NXPH2: variants seen among roughly 807,000 people sequenced by gnomAD.
The protein encoded by NXPH2 is neurexophilin-2.
NXPH2 carries 5 observed loss-of-function variants against 19.8 expected under a neutral mutation model. The ratio of observed to expected loss-of-function variants is 0.25; its 90% CI spans 0.13 to 0.53. The LOEUF is 0.53. Among genes scored for constraint, NXPH2 ranks in the 20% least tolerant of loss-of-function variants. NXPH2 has a pLI of 0.96. For synonymous variants in NXPH2, 154 were observed against 127.4 expected, an observed-to-expected ratio of 1.21 and a Z score of -1.41; for missense variants, 289 against 322.8, an observed-to-expected ratio of 0.90 and a Z score of 0.80.
Position 138,670,205 on chromosome 2 carries a change from G to A in NXPH2, c.*717C>T, listed in dbSNP as rs951315136. ...TAAAAACATCATGATTTTTGTTATC[G>A]TTCAACAAACTTATTCTCAGATTTG... On this transcript the variant is annotated 3_prime_UTR_variant, in exon 2 of 2. Transcript: ENST00000272641. 6.6e-6 allele frequency among the ~76,000 whole-genome samples: 1 copy of A among 151,962 alleles called. No homozygotes were observed. Among genetic ancestry groups the A allele is most frequent in the African/African-American group, 2.4e-5 (1 of 41,362 alleles).
intron 1 of NXPH2, 52 bp from the exon 2 acceptor site, chr2:138,671,717 G>T (rs1432103405): frequency 1.3e-6 from 2 of 1,489,090 alleles, no homozygotes; most frequent in African/African-American, 1.4e-5. Flanking sequence ...CCGTGACTGC[G>T]CACTCAAACT....
rs531448477 is a variant in NXPH2, at chr2:138,729,312, T to C, written c.51+50879A>G. On this transcript the variant is annotated intron_variant, in intron 1 of 1. Coordinates refer to ENST00000272641, the MANE Select transcript of NXPH2 (RefSeq NM_007226.3). ...AAATTCTCATGAGATCTGATGGTTT[T>C]ATAAGGGGCTTTCCCCTTTACTGGG... 2.0e-5 allele frequency among the ~76,000 whole-genome samples: 3 copies of C among 152,310 alleles called. No homozygotes were observed. In the East Asian group the frequency reaches 5.8e-4, roughly 29 times the overall value.
At chr2:138,720,205 G>A (rs1246238800) in intron 1 of NXPH2, among the ~76,000 whole-genome samples, 1 of 151,796 alleles carries the variant, frequency 6.6e-6, no homozygotes, top group Non-Finnish European at 1.5e-5. Flanking sequence ...ACCACTGGAA[G>A]GACAATGCAA....
At chr2:138,674,265 C>T (rs1484948292) in intron 1 of NXPH2, among the ~76,000 whole-genome samples, 1 of 151,906 alleles carries the variant, frequency 6.6e-6, no homozygotes, top group Non-Finnish European at 1.5e-5. Context: ...GAAATTCTTG[C>T]ACATCAGCCT....
At chr2:138,672,443 C>T (rs761398773) in intron 1 of NXPH2, among the ~76,000 whole-genome samples, 2 of 152,020 alleles carry the variant, frequency 1.3e-5, no homozygotes, top group Non-Finnish European at 2.9e-5. Flanking sequence ...TCATAGCCAC[C>T]GAAACGTAAG....
At chr2:138,737,274 G>C (rs1446417443) in intron 1 of NXPH2, among the ~76,000 whole-genome samples, 6 of 152,142 alleles carry the variant, frequency 3.9e-5, no homozygotes, top group Admixed American at 1.3e-4. Flanking sequence ...GTTCCACATA[G>C]CTGGGGAGGC....
chr2:138,745,497 G>GA (rs200324522), intron 1 of NXPH2, among the ~76,000 whole-genome samples: 36,875 of 98,414 alleles, frequency 0.37, 6,490 homozygotes, highest in East Asian at 0.64. Context: ...TTTTGGCGGG[G>GA]GGGGGGGGGT....
At chr2:138,680,531 T>C (rs1317293601) in intron 1 of NXPH2, among the ~76,000 whole-genome samples, 2 of 152,176 alleles carry the variant, frequency 1.3e-5, no homozygotes, top group African/African-American at 4.8e-5. Flanking sequence ...TTCAGACAAT[T>C]TGCAGACAGC....
intron 1 of NXPH2, among the ~76,000 whole-genome samples, chr2:138,715,769 T>C (rs537966010): frequency 3.4e-4 from 52 of 152,200 alleles, no homozygotes; most frequent in Non-Finnish European, 5.7e-4. Flanking sequence ...TAGAGTCACC[T>C]AAATCTCCAT....
In NXPH2 at chr2:138,671,127, G is replaced by C; in HGVS notation, c.590C>G (p.Ala197Gly). 3 of 1,613,842 alleles carry C rather than the reference G, an allele frequency of 1.9e-6. No individual in the cohort carries two copies. Among genetic ancestry groups the C allele is most frequent in the Non-Finnish European group, 2.5e-6 (3 of 1,179,828 alleles). ...AAAGTTGCACAGGGCGGTCTTTTTC[G>C]CCCGATCTGTTTTTTCATACTCAAT... is the stretch of plus-strand genomic sequence containing the variant. ...CRIEYEKTDR[A>G]KKTALCNFDP... is the part of the protein sequence containing the mutation. The change falls in exon 2 of 2, where the codon GCG becomes GGG. Residue 197 changes from alanine (A) to glycine (G), a missense_variant. Physicochemically the swap from Ala to Gly is moderately conservative, Grantham distance 60. Coordinates refer to ENST00000272641, the MANE Select transcript of NXPH2 (RefSeq NM_007226.3).
chr2:138,779,775 G>A (rs865953030), intron 1 of NXPH2, among the ~76,000 whole-genome samples: 2 of 152,130 alleles, frequency 1.3e-5, no homozygotes, highest in Admixed American at 6.5e-5. Flanking sequence ...GTGTGCATCT[G>A]GGCAAAACAC....
chr2:138,736,756 T>C (rs1465496505), intron 1 of NXPH2, among the ~76,000 whole-genome samples: 1 of 152,204 alleles, frequency 6.6e-6, no homozygotes, highest in Non-Finnish European at 1.5e-5. Flanking sequence ...TTATGCTATT[T>C]CCCTTTTAAA....
intron 1 of NXPH2, among the ~76,000 whole-genome samples, chr2:138,772,360 G>A (rs1189496483): frequency 3.3e-5 from 5 of 152,140 alleles, no homozygotes; most frequent in African/African-American, 9.7e-5. Context: ...GCAATGGCAC[G>A]ATCTTGGCTC....
chr2:138,753,249 T>C (rs1021680020), intron 1 of NXPH2, among the ~76,000 whole-genome samples: 2 of 152,206 alleles, frequency 1.3e-5, no homozygotes, highest in Non-Finnish European at 2.9e-5. Flanking sequence ...ATTTACTCTG[T>C]TGTTCACATT....
At chr2:138,711,198 TG>T (rs1326066961) in intron 1 of NXPH2, among the ~76,000 whole-genome samples, 2 of 131,754 alleles carry the variant, frequency 1.5e-5, no homozygotes, top group African/African-American at 5.6e-5. Context: ...TGGAGTGCAA[TG>T]GCGCCATCTT....
intron 1 of NXPH2, among the ~76,000 whole-genome samples, chr2:138,707,770 G>A (rs1454411286): frequency 6.6e-6 from 1 of 152,074 alleles, no homozygotes; most frequent in African/African-American, 2.4e-5. Context: ...CCAAGTGCCA[G>A]GTCTTAAAAT....
intron 1 of NXPH2, among the ~76,000 whole-genome samples, chr2:138,725,085 A>G (rs977753355): frequency 6.6e-6 from 1 of 152,240 alleles, no homozygotes; most frequent in African/African-American, 2.4e-5. Context: ...AAACAAATCT[A>G]TATTTGCTTT....
intron 1 of NXPH2, among the ~76,000 whole-genome samples, chr2:138,691,726 A>G (rs944355370): frequency 6.6e-5 from 10 of 152,184 alleles, no homozygotes; most frequent in African/African-American, 2.4e-4. Context: ...GGAGATGGAA[A>G]GGGGCCCAGA....
chr2:138,707,076 T>C (rs1681026898), intron 1 of NXPH2, among the ~76,000 whole-genome samples: 1 of 29,710 alleles, frequency 3.4e-5, no homozygotes, highest in Admixed American at 5.7e-4. Flanking sequence ...AAGATGACTT[T>C]AAGTACTTGC....
Sources: allele counts gnomAD v4.1 joint callset (sites outside exome capture counted in the v4.1 genomes callset), GRCh38; gene constraint gnomAD v4.1.1; transcripts MANE v1.5; gene names NCBI Gene and HGNC (gene_info 2026-07-23, HGNC 2026-07-21).